NRG3: variants seen among roughly 807,000 people sequenced by gnomAD.
The protein encoded by NRG3 is pro-neuregulin-3, membrane-bound isoform.
NRG3 carries 31 observed loss-of-function variants against 66.9 expected under a neutral mutation model. That is an observed-to-expected ratio of 0.46 (90% CI 0.35 to 0.63). The LOEUF (loss-of-function observed/expected upper bound fraction) is 0.63. Among genes scored for constraint, NRG3 ranks in the 20% least tolerant of loss-of-function variants. The pLI is 0.00. For synonymous variants in NRG3, 393 were observed against 359.4 expected (o/e 1.09, Z -1.06); for missense variants, 910 against 878.9 (o/e 1.04, Z -0.45).
At chr10:82,060,846 A>C (rs1222128809) in intron 1 of NRG3, among the ~76,000 whole-genome samples, 4 of 152,088 alleles carry the variant, frequency 2.6e-5, no homozygotes, top group Non-Finnish European at 5.9e-5. Context: ...AGAAGCCTGG[A>C]CTGGGCTGGT....
chr10:82,947,367 C>A (rs766428762), intron 4 of NRG3, among the ~76,000 whole-genome samples: 2 of 151,902 alleles, frequency 1.3e-5, no homozygotes, highest in Non-Finnish European at 2.9e-5. Context: ...GTTGATGGAT[C>A]CTTGGGTTAT....
chr10:82,290,721 G>A (rs556986457), intron 1 of NRG3, among the ~76,000 whole-genome samples: 182 of 151,006 alleles, frequency 1.2e-3, no homozygotes, highest in African/African-American at 4.2e-3. Flanking sequence ...TGCAACCTCC[G>A]CCTCCTGGGT....
chr10:82,741,437 A>T (rs190732832), intron 3 of NRG3, among the ~76,000 whole-genome samples: 35 of 152,314 alleles, frequency 2.3e-4, no homozygotes, highest in Admixed American at 2.1e-3. Context: ...AGTAATACCT[A>T]TAAGCATTAT....
At chr10:82,856,762 A>G (rs1190419937) in intron 3 of NRG3, among the ~76,000 whole-genome samples, 6 of 150,848 alleles carry the variant, frequency 4.0e-5, no homozygotes, top group African/African-American at 1.5e-4. Context: ...AAAACAAAAA[A>G]AAAAAAAAAA....
At chr10:82,453,545 A>T (rs2091120785) in intron 2 of NRG3, among the ~76,000 whole-genome samples, 1 of 152,202 alleles carries the variant, frequency 6.6e-6, no homozygotes, top group African/African-American at 2.4e-5. Flanking sequence ...TAAACTAAGC[A>T]TCACACAAAA....
At chr10:81,939,073 C>T (rs1241342384) in intron 1 of NRG3, among the ~76,000 whole-genome samples, 1 of 151,912 alleles carries the variant, frequency 6.6e-6, no homozygotes, top group African/African-American at 2.4e-5. Context: ...ATTGATTTTT[C>T]ATATGTTGAA....
intron 1 of NRG3, among the ~76,000 whole-genome samples, chr10:82,118,347 C>A (rs1403994481): frequency 1.3e-5 from 2 of 151,718 alleles, no homozygotes; most frequent in African/African-American, 4.8e-5. Context: ...GTCGAAGTTG[C>A]CAGAAAAGTG....
chr10:82,272,268 A>G (rs1413621089), intron 1 of NRG3, among the ~76,000 whole-genome samples: 1 of 152,056 alleles, frequency 6.6e-6, no homozygotes, highest in African/African-American at 2.4e-5. Flanking sequence ...GAGAAAAGCA[A>G]GTGATCCAAC....
chr10:82,756,800 G>T (rs1281627796), intron 3 of NRG3, among the ~76,000 whole-genome samples: 1 of 151,542 alleles, frequency 6.6e-6, no homozygotes, highest in African/African-American at 2.4e-5. Context: ...TTCAACACTT[G>T]CTGTGAACCA....
At chr10:81,884,824 G>A (rs1404620182) in intron 1 of NRG3, among the ~76,000 whole-genome samples, 1 of 152,118 alleles carries the variant, frequency 6.6e-6, no homozygotes, top group African/African-American at 2.4e-5. Context: ...ATATCGATGA[G>A]TTTGGACATG....
In NRG3 at chr10:81,884,655, A is replaced by T. The variant is rs191769527; in HGVS notation, c.823+8492A>T. On this transcript the variant is annotated intron_variant, in intron 1 of 8. Transcript: ENST00000372141. ...CTAGTGATGACTGAAACTATATGGG[A>T]GGCTATCCTTAGGTTATATGCAAAT... Among the ~76,000 whole-genome samples the T allele has an allele frequency of 1.1e-4, 17 of 152,282 alleles. 1 individual carries two copies. The highest frequency in any genetic ancestry group is 3.6e-4 in the African/African-American group (15 of 41,562).
rs181289597 is a variant in NRG3, at chr10:82,588,894, G to T, written c.954-149683G>T. On this transcript the variant is annotated intron_variant, in intron 2 of 8. Coordinates refer to ENST00000372141, the MANE Select transcript of NRG3 (RefSeq NM_001010848.4). ...ACATCAAATTTCTAATATTAGCAAG[G>T]AACCATTCCCGCAGAGTTGGCCCAG... Among the ~76,000 whole-genome samples, 12 of 152,266 alleles carry T rather than the reference G, an allele frequency of 7.9e-5. No homozygotes were observed. The East Asian group carries it at 1.4e-3, about 17-fold the overall frequency.
At chr10:82,510,941 G>T (rs1398363265) in intron 2 of NRG3, among the ~76,000 whole-genome samples, 1 of 152,152 alleles carries the variant, frequency 6.6e-6, no homozygotes, top group Non-Finnish European at 1.5e-5. Flanking sequence ...AAGAGGCCCA[G>T]GACACATAGA....
intron 2 of NRG3, among the ~76,000 whole-genome samples, chr10:82,694,656 G>A (rs538981091): frequency 6.6e-6 from 1 of 152,176 alleles, no homozygotes; most frequent in Non-Finnish European, 1.5e-5. Context: ...TGGAGGCTGA[G>A]GCAGGAGGAT....
chr10:82,205,026 G>A (rs1369405261), intron 1 of NRG3, among the ~76,000 whole-genome samples: 1 of 152,190 alleles, frequency 6.6e-6, no homozygotes, highest in African/African-American at 2.4e-5. Flanking sequence ...ATGGGATTTG[G>A]TGAGCATTTG....
chr10:82,070,659 G>C (rs1171589203), intron 1 of NRG3, among the ~76,000 whole-genome samples: 1 of 151,968 alleles, frequency 6.6e-6, no homozygotes, highest in East Asian at 1.9e-4. Context: ...GTAAGAAAAA[G>C]ATAAATGATA....
chr10:82,624,200 T>C (rs529980333), intron 2 of NRG3, among the ~76,000 whole-genome samples: 3 of 152,320 alleles, frequency 2.0e-5, no homozygotes, highest in Non-Finnish European at 4.4e-5. Flanking sequence ...AATATGTGTA[T>C]TATTTCTTTG....
chr10:82,264,095 A>C (rs955666644), intron 1 of NRG3, among the ~76,000 whole-genome samples: 1 of 152,170 alleles, frequency 6.6e-6, no homozygotes, highest in Non-Finnish European at 1.5e-5. Context: ...GGCATTGGAT[A>C]TGTGAGTCTG....
intron 3 of NRG3, among the ~76,000 whole-genome samples, chr10:82,800,772 T>G (rs12415063): frequency 0.14 from 21,597 of 152,180 alleles, 1,547 homozygotes; most frequent in South Asian, 0.22. Context: ...AAGGAGGCAT[T>G]TCTAAATGTG....
Sources: allele counts gnomAD v4.1 joint callset (sites outside exome capture counted in the v4.1 genomes callset), GRCh38; gene constraint gnomAD v4.1.1; transcripts MANE v1.5; gene names NCBI Gene and HGNC (gene_info 2026-07-23, HGNC 2026-07-21).